NALF1: variants seen among roughly 807,000 people sequenced by gnomAD.
The protein encoded by NALF1 is NALCN channel auxiliary factor 1, also known as family with sequence similarity 155 member A.
Under a neutral mutation model 48.4 loss-of-function variants are expected in NALF1, and 3 were observed. The observed-to-expected ratio is 0.06, with a 90% CI of 0.03 to 0.16. The LOEUF (loss-of-function observed/expected upper bound fraction) is 0.16, where lower values mean the gene tolerates loss of function less well. NALF1 is among the 10% of genes least tolerant of loss of function. The pLI, the probability that NALF1 is intolerant of heterozygous loss-of-function variation, is 1.00. For synonymous variants in NALF1, 262 were observed against 245.7 expected (o/e 1.07, Z -0.62); for missense variants, 526 against 571.5 (o/e 0.92, Z 0.81).
At chr13:107,539,453 T>C (rs1876936297) in intron 1 of NALF1, among the ~76,000 whole-genome samples, 1 of 149,894 alleles carries the variant, frequency 6.7e-6, no homozygotes, top group Non-Finnish European at 1.5e-5. Flanking sequence ...TCAACACTGC[T>C]GCATTTGAGA....
chr13:107,776,554 T>A (rs1877735131), intron 1 of NALF1, among the ~76,000 whole-genome samples: 1 of 152,192 alleles, frequency 6.6e-6, no homozygotes, highest in Non-Finnish European at 1.5e-5. Flanking sequence ...CTGCACCATA[T>A]CCACACTTAT....
intron 1 of NALF1, among the ~76,000 whole-genome samples, chr13:107,858,447 T>C (rs1456093064): frequency 6.6e-6 from 1 of 152,294 alleles, no homozygotes; most frequent in African/African-American, 2.4e-5. Flanking sequence ...TCCCAGCACT[T>C]TGGAAAGCCA....
intron 1 of NALF1, among the ~76,000 whole-genome samples, chr13:107,684,210 C>G (rs181889096): frequency 7.9e-5 from 12 of 152,338 alleles, no homozygotes; most frequent in Admixed American, 6.5e-4. Flanking sequence ...CATCACTTCA[C>G]AAAGGGTGCA....
At chr13:107,303,713 G>C (rs944813546) in intron 1 of NALF1, among the ~76,000 whole-genome samples, 12 of 152,174 alleles carry the variant, frequency 7.9e-5, no homozygotes, top group Admixed American at 2.0e-4. Flanking sequence ...AATTCACGAA[G>C]CATTAAGTGT....
intron 1 of NALF1, among the ~76,000 whole-genome samples, chr13:107,526,740 T>G (rs1876457905): frequency 6.6e-6 from 1 of 152,112 alleles, no homozygotes; most frequent in Non-Finnish European, 1.5e-5. Flanking sequence ...ATACAGCTCA[T>G]GCGTGTGTTT....
intron 1 of NALF1, among the ~76,000 whole-genome samples, chr13:107,783,085 G>A (rs1380218910): frequency 4.4e-5 from 6 of 134,948 alleles, no homozygotes; most frequent in Admixed American, 2.2e-4. Context: ...CCCCCTGCCC[G>A]GCCAGCCGCC....
intron 1 of NALF1, among the ~76,000 whole-genome samples, chr13:107,784,068 T>C (rs1206648841): frequency 6.6e-6 from 1 of 151,998 alleles, no homozygotes; most frequent in African/African-American, 2.4e-5. Context: ...CATGAAGAGG[T>C]GCCAGCTGTA....
intron 1 of NALF1, among the ~76,000 whole-genome samples, chr13:107,725,500 G>C (rs1459147930): frequency 6.6e-6 from 1 of 152,190 alleles, no homozygotes; most frequent in Non-Finnish European, 1.5e-5. Context: ...CTGAAGTCAG[G>C]AGTTCGAGAC....
At chr13:107,660,886 T>C (rs1050646321) in intron 1 of NALF1, among the ~76,000 whole-genome samples, 2 of 152,104 alleles carry the variant, frequency 1.3e-5, no homozygotes, top group African/African-American at 4.8e-5. Context: ...ATGTGGTGTG[T>C]AGGAAATCTC....
At chr13:107,773,523 T>C (rs1490492794) in intron 1 of NALF1, among the ~76,000 whole-genome samples, 1 of 152,198 alleles carries the variant, frequency 6.6e-6, no homozygotes, top group Non-Finnish European at 1.5e-5. Flanking sequence ...GTCCTAATTC[T>C]ATTCCTGTAT....
intron 1 of NALF1, among the ~76,000 whole-genome samples, chr13:107,563,604 T>A (rs1397733368): frequency 2.0e-5 from 3 of 152,206 alleles, no homozygotes; most frequent in African/African-American, 7.2e-5. Flanking sequence ...TGCAGAAATA[T>A]CATTTATGTA....
chr13:107,343,589 T>C (rs1045198725), intron 1 of NALF1, among the ~76,000 whole-genome samples: 1 of 152,326 alleles, frequency 6.6e-6, no homozygotes, highest in African/African-American at 2.4e-5. Flanking sequence ...ATAAGTCCAT[T>C]AAACCTCTAT....
chr13:107,213,246 A>AG lies in NALF1; in HGVS notation c.916-2492_916-2491insC, dbSNP rs1555326877. ...TTTTTAACTCAAAAAAAAAAAAAAAAAAAAGAAAAGAAAAAGAAACTAGTA... is the reference window on the plus strand; with the variant it reads ...TTTTTAACTCAAAAAAAAAAAAAAAAGAAAAGAAAAGAAAAAGAAACTAGTA... On this transcript the variant is annotated intron_variant, in intron 1 of 2. Coordinates refer to ENST00000375915, the MANE Select transcript of NALF1 (RefSeq NM_001080396.3). Among the ~76,000 whole-genome samples the AG allele has an allele frequency of 4.1e-3, 614 of 148,878 alleles. 1 individual carries two copies. The highest frequency in any genetic ancestry group is 0.014 in the African/African-American group (579 of 40,486).
intron 1 of NALF1, among the ~76,000 whole-genome samples, chr13:107,467,996 T>C (rs9520457): frequency 0.66 from 98,805 of 149,108 alleles, 33,818 homozygotes; most frequent in Middle Eastern, 0.78. Context: ...TGCAGTGAAC[T>C]GAGATCGCGC....
chr13:107,778,200 T>C (rs80323366), intron 1 of NALF1, among the ~76,000 whole-genome samples: 121 of 152,298 alleles, frequency 7.9e-4, no homozygotes, highest in Middle Eastern at 3.4e-3. Flanking sequence ...CCCTGCAAAC[T>C]GAGGCTGCAT....
chr13:107,402,445 G>A (rs1410917979), intron 1 of NALF1, among the ~76,000 whole-genome samples: 2 of 152,134 alleles, frequency 1.3e-5, no homozygotes, highest in East Asian at 1.9e-4. Flanking sequence ...TACTTAAGCT[G>A]GTCTAGGACT....
At chr13:107,568,241 A>G (rs1450569594) in intron 1 of NALF1, among the ~76,000 whole-genome samples, 1 of 152,194 alleles carries the variant, frequency 6.6e-6, no homozygotes, top group African/African-American at 2.4e-5. Flanking sequence ...TTGGCCTCCC[A>G]TAATGTTAGG....
chr13:107,280,086 G>A (rs1472699801), intron 1 of NALF1, among the ~76,000 whole-genome samples: 3 of 152,066 alleles, frequency 2.0e-5, no homozygotes, highest in Admixed American at 2.0e-4. Context: ...GCCATCATGG[G>A]TGGACACCTA....
At chr13:107,587,519 T>C (rs1878492314) in intron 1 of NALF1, among the ~76,000 whole-genome samples, 1 of 152,110 alleles carries the variant, frequency 6.6e-6, no homozygotes, top group Non-Finnish European at 1.5e-5. Flanking sequence ...CAATCCAATT[T>C]GTTATAGCTG....
Sources: allele counts gnomAD v4.1 joint callset (sites outside exome capture counted in the v4.1 genomes callset), GRCh38; gene constraint gnomAD v4.1.1; transcripts MANE v1.5; gene names NCBI Gene and HGNC (gene_info 2026-07-23, HGNC 2026-07-21).